The following TMEM267 variants were observed in gnomAD, a reference collection of about 807,000 sequenced individuals.
The protein encoded by TMEM267 is transmembrane protein C5orf28.
TMEM267 carries 20 observed loss-of-function variants against 19.3 expected under a neutral mutation model. The observed-to-expected ratio is 1.04, with a 90% CI of 0.73 to 1.51. The LOEUF (loss-of-function observed/expected upper bound fraction) is 1.51. TMEM267 is among the 40% of genes most tolerant of loss of function. The probability of loss-of-function intolerance (pLI) is 0.00; values close to 1 mark genes in which losing one functional copy is unlikely to be tolerated. For synonymous variants in TMEM267, 88 were observed against 90.3 expected, an observed-to-expected ratio of 0.97 and a Z score of 0.15; for missense variants, 242 against 261.9, an observed-to-expected ratio of 0.92 and a Z score of 0.52.
chr5:43,467,103 T>G (rs1303555953), intron 1 of TMEM267, among the ~76,000 whole-genome samples: 5 of 139,612 alleles, frequency 3.6e-5, no homozygotes, highest in Admixed American at 1.6e-4. Context: ...GAGCTGAGAC[T>G]GTGCCATTGC....
chr5:43,463,837 C>T (rs1743433894), intron 1 of TMEM267, among the ~76,000 whole-genome samples: 1 of 152,174 alleles, frequency 6.6e-6, no homozygotes, highest in African/African-American at 2.4e-5. Context: ...GACAAACGCA[C>T]AGCCAATATC....
Position 43,463,094 on chromosome 5 carries a change from T to A in TMEM267, c.-74-9051A>T, listed in dbSNP as rs1305019818. On this transcript the variant is annotated intron_variant, in intron 1 of 2. Coordinates refer to ENST00000397080, the MANE Select transcript of TMEM267 (RefSeq NM_022483.5). Reference sequence around the variant, plus strand: ...AGAATCAAATAGATGCAATAAAAAATGATAAAGGGGATATCACCACTGATT... The same window carrying A: ...AGAATCAAATAGATGCAATAAAAAAAGATAAAGGGGATATCACCACTGATT... 2.0e-5 allele frequency among the ~76,000 whole-genome samples: 3 copies of A among 152,066 alleles called. No individual in the cohort carries two copies. The South Asian group carries it at 6.2e-4, about 31-fold the overall frequency.
intron 1 of TMEM267, among the ~76,000 whole-genome samples, chr5:43,459,191 C>T (rs1337176162): frequency 6.6e-6 from 1 of 152,140 alleles, no homozygotes; most frequent in Non-Finnish European, 1.5e-5. Context: ...AGAAATTATA[C>T]ACCCATGTAT....
At chr5:43,469,204 T>TTA (rs775076027) in intron 1 of TMEM267, among the ~76,000 whole-genome samples, 24 of 151,070 alleles carry the variant, frequency 1.6e-4, no homozygotes, top group Non-Finnish European at 2.8e-4. Context: ...AGAAAAGAAA[T>TTA]AATAAAGATC....
chr5:43,480,755 T>G (rs1486246673), intron 1 of TMEM267, among the ~76,000 whole-genome samples: 1 of 151,756 alleles, frequency 6.6e-6, no homozygotes, highest in Non-Finnish European at 1.5e-5. Flanking sequence ...CATGAAGCAA[T>G]TTTTAATAAT....
In TMEM267 at chr5:43,452,736, C is replaced by T. The variant is rs542633517; in HGVS notation, c.312+922G>A. Among the ~76,000 whole-genome samples, 59 of 152,300 alleles carry T rather than the reference C, an allele frequency of 3.9e-4. 2 individuals are homozygous for T. In the South Asian group the frequency reaches 0.011, roughly 29 times the overall value. On this transcript the variant is annotated intron_variant, in intron 2 of 2. Coordinates refer to ENST00000397080, the MANE Select transcript of TMEM267 (RefSeq NM_022483.5). ...AAAGTTTGTCTTTAATTAGCAATTA[C>T]TGATTCTTTACTGATTAAGTTTCTA...
upstream of TMEM267, chr5:43,483,946 C>T (rs980316739): frequency 1.3e-5 from 2 of 152,184 alleles, no homozygotes; most frequent in African/African-American, 4.8e-5. Flanking sequence ...GAGAGGACGC[C>T]GGGATACTGG....
intron 1 of TMEM267, among the ~76,000 whole-genome samples, chr5:43,474,550 G>A (rs190145102): frequency 0.023 from 3,552 of 152,040 alleles, 69 homozygotes; most frequent in Middle Eastern, 0.048. Context: ...ACCTGAGGTC[G>A]GGAGTTCGAG....
chr5:43,475,089 G>A (rs1249846113), intron 1 of TMEM267, among the ~76,000 whole-genome samples: 1 of 152,146 alleles, frequency 6.6e-6, no homozygotes, highest in Non-Finnish European at 1.5e-5. Context: ...TATGTTTATT[G>A]TGGCACTGTT....
chr5:43,446,837 T>C (rs1742269542), intron 2 of TMEM267, among the ~76,000 whole-genome samples: 1 of 152,092 alleles, frequency 6.6e-6, no homozygotes, highest in Admixed American at 6.6e-5. Flanking sequence ...ATTCACAATA[T>C]GAACATAATT....
chr5:43,461,108 G>A (rs1211123123), intron 1 of TMEM267, among the ~76,000 whole-genome samples: 2 of 152,120 alleles, frequency 1.3e-5, no homozygotes, highest in Non-Finnish European at 2.9e-5. Context: ...CAGCAAGACA[G>A]GACACTGGTC....
rs1742216086 is a variant in TMEM267 at position 43,446,074 on chromosome 5, G to C, written c.*148C>G. The C allele has an allele frequency of 1.9e-6, 1 of 531,658 alleles. No homozygotes were observed. The highest frequency in any genetic ancestry group is 3.3e-6 in the Non-Finnish European group (1 of 306,866). 32.9% of individuals were successfully genotyped at this position (531,658 alleles called of 1,614,324 possible). A position where few individuals can be genotyped will look rare whatever the true frequency, so the allele number is the denominator to read the frequency against. ...AACAAGTATAATTTTTAAAAAAGTT[G>C]TATACACTTCCTGAGCAAGAGGATT... On this transcript the variant is annotated 3_prime_UTR_variant, in exon 3 of 3. Transcript: ENST00000397080.
rs745945815 is a variant in TMEM267, at chr5:43,446,465, GA to G, written c.404del (p.Phe135SerfsTer48). 1.9e-6 allele frequency: 3 copies of G among 1,613,840 alleles called. No homozygotes were observed. ...VLTLKFTMHL[F>X]KLKDSWCFLP... Reference sequence around the variant, plus strand: ...GAAAGCACCATGAGTCTTTGAGCTTGAAAAGGTGCATAGTAAATTTCAGGGT... The same window carrying G: ...GAAAGCACCATGAGTCTTTGAGCTTGAAAGGTGCATAGTAAATTTCAGGGT... On this transcript the variant is annotated frameshift_variant, in exon 3 of 3. Transcript: ENST00000397080. LOFTEE classifies it high-confidence loss of function.
At chr5:43,472,336 T>C (rs1212891220) in intron 1 of TMEM267, among the ~76,000 whole-genome samples, 1 of 152,138 alleles carries the variant, frequency 6.6e-6, no homozygotes, top group African/African-American at 2.4e-5. Context: ...TTGTACTCTC[T>C]TGGTGGGAAT....
At chr5:43,470,876 A>T (rs1366137240) in intron 1 of TMEM267, among the ~76,000 whole-genome samples, 1 of 152,226 alleles carries the variant, frequency 6.6e-6, no homozygotes, top group Non-Finnish European at 1.5e-5. Flanking sequence ...TAAAACTATT[A>T]AACTAGAAAA....
chr5:43,471,690 G>A (rs953631932), intron 1 of TMEM267, among the ~76,000 whole-genome samples: 1 of 151,860 alleles, frequency 6.6e-6, no homozygotes, highest in African/African-American at 2.4e-5. Context: ...CATACACTGG[G>A]GAAAAGACAG....
chr5:43,476,875 T>C (rs1056138808), intron 1 of TMEM267, among the ~76,000 whole-genome samples: 3 of 150,766 alleles, frequency 2.0e-5, no homozygotes, highest in East Asian at 1.9e-4. Flanking sequence ...AACAGTTTTG[T>C]ATAAGTAAAA....
In TMEM267 at chr5:43,446,368, A is replaced by G. The variant is rs1223287962; in HGVS notation, c.502T>C (p.Cys168Arg). The G allele has an allele frequency of 3.1e-6, 5 of 1,614,170 alleles. No individual in the cohort carries two copies. The South Asian group carries it at 5.5e-5, about 18-fold the overall frequency. The change falls in exon 3 of 3, where the codon TGC becomes CGC. Residue 168 changes from cysteine to arginine, a missense_variant. By Grantham distance (180) the Cys-to-Arg change is radical. Coordinates refer to ENST00000397080, the MANE Select transcript of TMEM267 (RefSeq NM_022483.5). ...RDGIRHGLWICPFGKTSPLPF... is the reference protein window; with the variant it reads ...RDGIRHGLWIRPFGKTSPLPF... The stretch of plus-strand genomic sequence containing the variant: ...AAAGGAGAAGTTTTTCCAAATGGGC[A>G]TATCCACAAACCATGACGAATCCCA...
intron 1 of TMEM267, among the ~76,000 whole-genome samples, chr5:43,463,951 C>A (rs1387664727): frequency 6.6e-6 from 1 of 152,076 alleles, no homozygotes; most frequent in African/African-American, 2.4e-5. Flanking sequence ...GAAGTTCTGG[C>A]CAGAGCAATT....
Sources: gnomAD v4.1 joint callset for allele counts (sites outside exome capture counted in the v4.1 genomes callset) on GRCh38, gnomAD v4.1.1 for gene constraint, MANE v1.5 for transcripts, NCBI Gene and HGNC (gene_info 2026-07-23, HGNC 2026-07-21) for gene names.